SPRR2B: variants seen among roughly 807,000 people sequenced by gnomAD.
The protein encoded by SPRR2B is small proline-rich protein 2B.
SPRR2B carries 1 observed loss-of-function variant against 1.0 expected under a neutral mutation model. The observed-to-expected ratio is 1.01, with a 90% CI of 0.36 to 4.77. The LOEUF (loss-of-function observed/expected upper bound fraction) is 4.77, where lower values mean the gene tolerates loss of function less well. Ranked by LOEUF, SPRR2B falls within the 30% of genes most tolerant of loss-of-function variation. The pLI is 0.16. For synonymous variants in SPRR2B, 27 were observed against 33.4 expected (o/e 0.81, Z 0.66); for missense variants, 53 against 88.7 (o/e 0.60, Z 1.62).
At chr1:153,079,702 C>T in the SPRR2B span, among the ~76,000 whole-genome samples, 1 of 152,084 alleles carries the variant, frequency 6.6e-6, no homozygotes, top group Non-Finnish European at 1.5e-5. Flanking sequence ...TCTGAGGGCT[C>T]TGTTCTGTTC....
the SPRR2B span, among the ~76,000 whole-genome samples, chr1:153,078,343 A>G: frequency 6.6e-6 from 1 of 150,720 alleles, no homozygotes; most frequent in African/African-American, 2.4e-5. Flanking sequence ...ATGTATATAT[A>G]TTTCTTTTAA....
chr1:153,078,754 A>G, the SPRR2B span, among the ~76,000 whole-genome samples: 1 of 152,160 alleles, frequency 6.6e-6, no homozygotes. Flanking sequence ...TTCTTAATCC[A>G]GTCTATCATT....
At chr1:153,073,695 T>TCACACACACACACACA (rs4041380), upstream of SPRR2B, among the ~76,000 whole-genome samples, 557 of 144,562 alleles carry the variant, frequency 3.9e-3, 4 homozygotes, top group African/African-American at 0.014. Flanking sequence ...GAGGCATACT[T>TCACACACACACACACA]CACACACACA....
At chr1:153,084,420 G>T in the SPRR2B span, among the ~76,000 whole-genome samples, 8 of 152,110 alleles carry the variant, frequency 5.3e-5, no homozygotes, top group African/African-American at 1.9e-4. Context: ...ACTGCCATGG[G>T]AGTGAAACTA....
the SPRR2B span, among the ~76,000 whole-genome samples, chr1:153,081,825 CTTTTTT>C: frequency 7.3e-6 from 1 of 137,000 alleles, no homozygotes; most frequent in Non-Finnish European, 1.6e-5. Context: ...CTTTTCTTTT[CTTTTTT>C]TTTTTTTTTT....
chr1:153,081,909 G>A, the SPRR2B span, among the ~76,000 whole-genome samples: 2,206 of 147,784 alleles, frequency 0.015, 49 homozygotes, highest in African/African-American at 0.05. Context: ...TGCAACCTCC[G>A]CCTCTGGGCT....
chr1:153,071,865 G>A (rs984831356), upstream of SPRR2B, among the ~76,000 whole-genome samples: 3 of 152,082 alleles, frequency 2.0e-5, no homozygotes, highest in South Asian at 6.2e-4. Context: ...CTTGATTGGG[G>A]GCAATGAATG....
At position 153,070,782 on chromosome 1, in the gene SPRR2B, T is replaced by C. The variant is rs201248257; in HGVS notation, c.58A>G (p.Thr20Ala). ...GGACATGGCTCTGGGCACTTTGGCG[T>C]GGGGCACACAGGAGGTGGCTGGCAG... The part of the protein sequence containing the change: ...QPCQPPPVCP[T>A]PKCPEPCPPP... Residue 20 changes from threonine (T) to alanine (A), a missense_variant, in exon 2 of 2, where the codon ACG becomes GCG. Transcript: ENST00000368755. 624 of 1,601,738 alleles carry C rather than the reference T, an allele frequency of 3.9e-4. No homozygotes were observed. Among genetic ancestry groups the C allele is most frequent in the East Asian group, 3.8e-3 (168 of 44,702 alleles).
the SPRR2B span, among the ~76,000 whole-genome samples, chr1:153,083,863 T>A: frequency 2.6e-5 from 4 of 152,328 alleles, no homozygotes; most frequent in South Asian, 8.3e-4. Flanking sequence ...GTGTCTGTAA[T>A]GGAGCAGGGC....
the SPRR2B span, among the ~76,000 whole-genome samples, chr1:153,083,887 C>G: frequency 6.6e-6 from 1 of 152,328 alleles, no homozygotes; most frequent in East Asian, 1.9e-4. Context: ...GGATGGCCAT[C>G]TCTCTAGGCT....
the SPRR2B span, among the ~76,000 whole-genome samples, chr1:153,079,257 G>C: frequency 6.6e-6 from 1 of 151,904 alleles, no homozygotes; most frequent in East Asian, 1.9e-4. Flanking sequence ...TGTGGATTCT[G>C]GATATTAGCC....
chr1:153,075,963 A>G (rs1218644956), upstream of SPRR2B, among the ~76,000 whole-genome samples: 1 of 152,210 alleles, frequency 6.6e-6, no homozygotes, highest in East Asian at 1.9e-4. Flanking sequence ...CTGAATTCAG[A>G]TAATAAAAAA....
the SPRR2B span, among the ~76,000 whole-genome samples, chr1:153,085,057 T>C: frequency 1.3e-5 from 2 of 152,174 alleles, no homozygotes; most frequent in Admixed American, 6.5e-5. Context: ...TGAAGGAATA[T>C]AAGCACATGA....
chr1:153,082,661 A>T, the SPRR2B span, among the ~76,000 whole-genome samples: 134 of 152,270 alleles, frequency 8.8e-4, no homozygotes, highest in Non-Finnish European at 1.7e-3. Flanking sequence ...GCTTGAGACT[A>T]CTCACAACAA....
At chr1:153,084,759 C>A in the SPRR2B span, among the ~76,000 whole-genome samples, 6 of 152,180 alleles carry the variant, frequency 3.9e-5, no homozygotes, top group Admixed American at 6.5e-5. Flanking sequence ...CTGCAAAACA[C>A]TTTGGCTGAC....
At chr1:153,085,524 G>A in the SPRR2B span, among the ~76,000 whole-genome samples, 1 of 152,152 alleles carries the variant, frequency 6.6e-6, no homozygotes, top group Admixed American at 6.5e-5. Flanking sequence ...GAAAAATATG[G>A]TATTTCATAA....
In SPRR2B at chr1:153,070,618, C is replaced by A; in HGVS notation, c.*3G>T. On this transcript the variant is annotated 3_prime_UTR_variant, in exon 2 of 2. Coordinates refer to ENST00000368755, the MANE Select transcript of SPRR2B (RefSeq NM_001388198.1). ...CTCATGCTCCTGATGAATCCTGAAG[C>A]TGTTACTTGCTCTTCGGTGGATACT... 1 of 1,611,448 alleles carries A rather than the reference C, an allele frequency of 6.2e-7. No homozygotes were observed. The highest frequency in any genetic ancestry group is 1.3e-5 in the African/African-American group (1 of 74,948).
At chr1:153,084,015 G>C in the SPRR2B span, among the ~76,000 whole-genome samples, 2 of 152,164 alleles carry the variant, frequency 1.3e-5, no homozygotes, top group African/African-American at 4.8e-5. Context: ...GTCAGCTGGT[G>C]TCTCCTGGGG....
At chr1:153,077,410 C>A in the SPRR2B span, among the ~76,000 whole-genome samples, 3 of 152,086 alleles carry the variant, frequency 2.0e-5, no homozygotes, top group Non-Finnish European at 2.9e-5. Flanking sequence ...ATACAAAAAT[C>A]TCTGATAAAT....
Sources: gnomAD v4.1 joint callset for allele counts (sites outside exome capture counted in the v4.1 genomes callset) on GRCh38, gnomAD v4.1.1 for gene constraint, MANE v1.5 for transcripts, NCBI Gene and HGNC (gene_info 2026-07-23, HGNC 2026-07-21) for gene names.